The following CHD9NB variants were observed in gnomAD, a reference collection of about 807,000 sequenced individuals.
The protein encoded by CHD9NB is CHD9 neighbor protein.
chr16:53,048,005 G>T, the CHD9NB span, among the ~76,000 whole-genome samples: 1 of 142,016 alleles, frequency 7.0e-6, no homozygotes, highest in African/African-American at 2.6e-5. Context: ...AAAAAAAGAA[G>T]GGAAGGAAGG....
the CHD9NB span, among the ~76,000 whole-genome samples, chr16:53,048,300 A>G: frequency 6.6e-6 from 1 of 151,962 alleles, no homozygotes; most frequent in Admixed American, 6.6e-5. Context: ...CAGCTACTAC[A>G]GTGGCTGCAG....
the CHD9NB span, among the ~76,000 whole-genome samples, chr16:53,048,033 G>A: frequency 8.9e-6 from 1 of 112,526 alleles, no homozygotes; most frequent in South Asian, 3.4e-4. Flanking sequence ...GGAAGGGAAG[G>A]AAAGGGAAGG....
At chr16:53,037,845 G>A in the CHD9NB span, among the ~76,000 whole-genome samples, 1 of 152,184 alleles carries the variant, frequency 6.6e-6, no homozygotes, top group Non-Finnish European at 1.5e-5. Context: ...TTGAGAGCTG[G>A]AAGAACTAGT....
chr16:53,050,456 C>A, the CHD9NB span, among the ~76,000 whole-genome samples: 16 of 152,084 alleles, frequency 1.1e-4, no homozygotes, highest in Non-Finnish European at 2.1e-4. Flanking sequence ...TGCAGTGAAC[C>A]AAGATCACAC....
At chr16:53,036,596 G>C in the CHD9NB span, among the ~76,000 whole-genome samples, 2 of 152,194 alleles carry the variant, frequency 1.3e-5, no homozygotes, top group Non-Finnish European at 2.9e-5. Context: ...GGGCACTGAA[G>C]TGTGGTGGCA....
the CHD9NB span, among the ~76,000 whole-genome samples, chr16:53,048,014 G>A: frequency 1.4e-5 from 2 of 145,052 alleles, no homozygotes; most frequent in Non-Finnish European, 3.0e-5. Context: ...AGGGAAGGAA[G>A]GGAGGGAGGG....
At chr16:53,042,258 T>TC in the CHD9NB span, among the ~76,000 whole-genome samples, 1 of 132,374 alleles carries the variant, frequency 7.6e-6, no homozygotes, top group African/African-American at 2.9e-5. Context: ...TCCTCCCTCC[T>TC]CCCTACCCCT....
the CHD9NB span, among the ~76,000 whole-genome samples, chr16:53,048,838 C>T: frequency 6.6e-6 from 1 of 152,150 alleles, no homozygotes; most frequent in Non-Finnish European, 1.5e-5. Flanking sequence ...CCTCACTCTC[C>T]TCCCTGCCTC....
the CHD9NB span, among the ~76,000 whole-genome samples, chr16:53,039,500 C>T: frequency 2.5e-4 from 38 of 152,304 alleles, no homozygotes; most frequent in African/African-American, 8.7e-4. Context: ...AATCCCAGCA[C>T]TTTGGAAGGC....
chr16:53,051,130 G>A, the CHD9NB span, among the ~76,000 whole-genome samples: 2 of 151,688 alleles, frequency 1.3e-5, no homozygotes, highest in African/African-American at 2.4e-5. Flanking sequence ...CTCGTGATCC[G>A]CCTGCCTCGG....
chr16:53,038,557 G>A, the CHD9NB span, among the ~76,000 whole-genome samples: 1 of 152,120 alleles, frequency 6.6e-6, no homozygotes, highest in Non-Finnish European at 1.5e-5. Context: ...TGCCATGTTG[G>A]CCAGGCTGGT....
At chr16:53,037,155 T>G in the CHD9NB span, among the ~76,000 whole-genome samples, 1 of 152,250 alleles carries the variant, frequency 6.6e-6, no homozygotes, top group African/African-American at 2.4e-5. Flanking sequence ...AGGATGGTCT[T>G]GATCTCCTGA....
At chr16:53,037,348 T>G in the CHD9NB span, among the ~76,000 whole-genome samples, 1 of 152,244 alleles carries the variant, frequency 6.6e-6, no homozygotes, top group African/African-American at 2.4e-5. Flanking sequence ...TCTTCCATGT[T>G]GGGTTCAGCA....
chr16:53,048,050 G>C, the CHD9NB span, among the ~76,000 whole-genome samples: 1 of 148,618 alleles, frequency 6.7e-6, no homozygotes, highest in Non-Finnish European at 1.5e-5. Flanking sequence ...AAGGGAGGGA[G>C]GGAGGGAGGA....
At chr16:53,040,522 T>C in the CHD9NB span, among the ~76,000 whole-genome samples, 1 of 152,148 alleles carries the variant, frequency 6.6e-6, no homozygotes, top group Non-Finnish European at 1.5e-5. Context: ...ACCATCCTCT[T>C]TGTCTAATTC....
the CHD9NB span, chr16:53,035,993 G>A: frequency 6.6e-6 from 1 of 151,528 alleles, no homozygotes; most frequent in African/African-American, 2.4e-5. Flanking sequence ...ACCAGTCATT[G>A]GATTTAGGGC....
chr16:53,051,768 AATATATATATATATATAT>A, the CHD9NB span, among the ~76,000 whole-genome samples: 47,741 of 105,016 alleles, frequency 0.45, 10,896 homozygotes, highest in Non-Finnish European at 0.53. Flanking sequence ...TAAAAGTATA[AATATATATATATATATAT>A]ATATATATAT....
At chr16:53,049,215 G>A in the CHD9NB span, among the ~76,000 whole-genome samples, 17 of 151,872 alleles carry the variant, frequency 1.1e-4, no homozygotes, top group South Asian at 4.2e-4. Flanking sequence ...GCAGTGGAGC[G>A]ATCATGCATG....
At chr16:53,038,597 C>T in the CHD9NB span, among the ~76,000 whole-genome samples, 1 of 152,202 alleles carries the variant, frequency 6.6e-6, no homozygotes, top group Non-Finnish European at 1.5e-5. Flanking sequence ...GTGATCCGCC[C>T]ACCTCGGCCT....
Sources: allele counts gnomAD v4.1 joint callset (sites outside exome capture counted in the v4.1 genomes callset), GRCh38; gene constraint gnomAD v4.1.1; transcripts MANE v1.5; gene names NCBI Gene and HGNC (gene_info 2026-07-23, HGNC 2026-07-21).